The following NGEF variants were observed in gnomAD, a reference collection of about 807,000 sequenced individuals.
NGEF encodes the protein ephexin-1.
A neutral mutation model predicts 80.9 loss-of-function variants in NGEF; 31 were observed. That is an observed-to-expected ratio of 0.38 (90% CI 0.29 to 0.52). The LOEUF (loss-of-function observed/expected upper bound fraction) is 0.52, where lower values mean the gene tolerates loss of function less well. Ranked by LOEUF, NGEF falls within the 20% of genes least tolerant of loss-of-function variation. NGEF has a pLI of 0.84. For missense variants in NGEF, 709 were observed against 926.2 expected (o/e 0.77, Z 3.04); for synonymous variants, 371 against 370.2 (o/e 1.00, Z -0.03).
chr2:232,973,082 T>C (rs555847084), intron 2 of NGEF, among the ~76,000 whole-genome samples: 1 of 152,210 alleles, frequency 6.6e-6, no homozygotes, highest in African/African-American at 2.4e-5. Flanking sequence ...TCAAGACTCA[T>C]CTGAAATATC....
intron 3 of NGEF, among the ~76,000 whole-genome samples, chr2:232,959,353 C>G (rs371878762): frequency 1.3e-5 from 2 of 152,176 alleles, no homozygotes; most frequent in African/African-American, 4.8e-5. Flanking sequence ...CTGTTTTACC[C>G]AGTGCTTGTC....
chr2:232,999,495 A>G (rs1694926218), intron 1 of NGEF, among the ~76,000 whole-genome samples: 1 of 152,082 alleles, frequency 6.6e-6, no homozygotes, highest in Non-Finnish European at 1.5e-5. Flanking sequence ...GGGAGAGGAG[A>G]GGGGTGCCTA....
At chr2:232,911,499 C>A (rs574179668) in intron 5 of NGEF, among the ~76,000 whole-genome samples, 1 of 152,068 alleles carries the variant, frequency 6.6e-6, no homozygotes, top group Admixed American at 6.5e-5. Flanking sequence ...AGTTATCTTG[C>A]CTTTTCTGAT....
intron 5 of NGEF, chr2:232,901,347 C>T: frequency 1.0e-6 from 1 of 985,166 alleles, no homozygotes; most frequent in South Asian, 4.7e-5. Context: ...GCGATTTCTC[C>T]TCCCCGCTCT....
At chr2:232,947,417 C>T (rs974355035) in intron 3 of NGEF, among the ~76,000 whole-genome samples, 1 of 152,128 alleles carries the variant, frequency 6.6e-6, no homozygotes, top group Non-Finnish European at 1.5e-5. Flanking sequence ...ATTCCCCACA[C>T]GTTGAGGGAG....
In NGEF at chr2:232,974,643, C is replaced by T. The variant is rs755210359; in HGVS notation, c.248G>A (p.Arg83Gln). Residue 83 changes from arginine (R) to glutamine (Q), a missense_variant, in exon 2 of 15, where the codon CGG becomes CAG. Around this residue, in one of 2 missense-constraint regions of NGEF, gnomAD observed 283 missense variants for 303.4 expected, o/e 0.93. Coordinates refer to ENST00000264051, the MANE Select transcript of NGEF (RefSeq NM_019850.3). Reference protein sequence around the residue: ...SKAKARDNPERNASCLADSQD... With the variant: ...SKAKARDNPEQNASCLADSQD... ...CTGACCTGCCAGGCAGCTGGCGTTC[C>T]GTTCGGGGTTGTCTCTGGCCTTGGC... 27 of 1,613,836 alleles carry T rather than the reference C, an allele frequency of 1.7e-5. No homozygotes were observed. The highest frequency in any genetic ancestry group is 1.2e-4 in the South Asian group (11 of 91,030).
chr2:232,898,432 C>T (rs1490757130), intron 5 of NGEF, among the ~76,000 whole-genome samples: 2 of 152,210 alleles, frequency 1.3e-5, no homozygotes, highest in Non-Finnish European at 2.9e-5. Context: ...CCCTGCTAAT[C>T]GGTATGGCTG....
At chr2:232,922,911 A>G (rs887560321) in intron 4 of NGEF, among the ~76,000 whole-genome samples, 4 of 152,030 alleles carry the variant, frequency 2.6e-5, no homozygotes, top group African/African-American at 7.2e-5. Context: ...CTCTACTAAA[A>G]ATACAAAAAT....
intron 9 of NGEF, among the ~76,000 whole-genome samples, chr2:232,886,322 G>T (rs1193650699): frequency 6.6e-6 from 1 of 151,712 alleles, no homozygotes; most frequent in Non-Finnish European, 1.5e-5. Flanking sequence ...TATGTGCTGT[G>T]TGTGTGTGCA....
chr2:232,944,927 T>C (rs1233077657), intron 3 of NGEF, among the ~76,000 whole-genome samples: 7 of 151,532 alleles, frequency 4.6e-5, no homozygotes. Flanking sequence ...AATTTTTGTA[T>C]TTTTAGTAGG....
chr2:232,946,844 A>G (rs922196085), intron 3 of NGEF, among the ~76,000 whole-genome samples: 4 of 152,204 alleles, frequency 2.6e-5, no homozygotes, highest in African/African-American at 9.7e-5. Context: ...AAGGAATATG[A>G]CAATCATGGA....
At chr2:232,900,136 TCACACA>T (rs61725832) in intron 5 of NGEF, among the ~76,000 whole-genome samples, 1 of 78,786 alleles carries the variant, frequency 1.3e-5, no homozygotes, top group Non-Finnish European at 2.4e-5. Flanking sequence ...ACTCACATTC[TCACACA>T]CACACGCTCA....
At chr2:232,915,239 T>C (rs1425803710) in intron 5 of NGEF, among the ~76,000 whole-genome samples, 1 of 127,994 alleles carries the variant, frequency 7.8e-6, no homozygotes, top group African/African-American at 3.3e-5. Context: ...TAGTAGCTTA[T>C]ATTTTCCTAG....
At chr2:232,928,173 T>C (rs1161248538) in intron 3 of NGEF, 2 of 911,294 alleles carry the variant, frequency 2.2e-6, no homozygotes. Context: ...GGCGCGCGCC[T>C]GGAGGCTCCC....
Position 232,879,771 on chromosome 2 carries a change from C to T in NGEF, c.1943-92G>A, listed in dbSNP as rs1294472723. The T allele has an allele frequency of 2.5e-5, 31 of 1,254,298 alleles. No homozygotes were observed. In the East Asian group the frequency reaches 4.8e-4, roughly 20 times the overall value. 77.7% of individuals were successfully genotyped at this position (1,254,298 alleles called of 1,614,324 possible). A position where few individuals can be genotyped will look rare whatever the true frequency, so the allele number is the denominator to read the frequency against. ...TCCTGGCCAGGGCCCCCATCTGTGG[C>T]GGGACACTAGGGGTCCAGCTGGCCT... On this transcript the variant is annotated intron_variant, in intron 14 of 14. Coordinates refer to ENST00000264051, the MANE Select transcript of NGEF (RefSeq NM_019850.3).
At chr2:232,971,852 C>T (rs1694192173) in intron 2 of NGEF, among the ~76,000 whole-genome samples, 1 of 152,152 alleles carries the variant, frequency 6.6e-6, no homozygotes, top group Non-Finnish European at 1.5e-5. Context: ...CTCTTGCCCT[C>T]CCCAGCTTCA....
intron 3 of NGEF, among the ~76,000 whole-genome samples, chr2:232,934,594 T>C (rs530110869): frequency 6.6e-6 from 1 of 152,234 alleles, no homozygotes; most frequent in East Asian, 1.9e-4. Context: ...TTAGGCAGGC[T>C]GCTATTAAAA....
Position 232,879,656 on chromosome 2 carries a change from G to A in NGEF, c.1966C>T (p.His656Tyr). 6.2e-7 allele frequency: 1 copy of A among 1,612,880 alleles called. No individual in the cohort carries two copies. Among genetic ancestry groups the A allele is most frequent in the Non-Finnish European group, 8.5e-7 (1 of 1,179,508 alleles). The change falls in exon 15 of 15, where the codon CAC becomes TAC. Residue 656 changes from histidine (H) to tyrosine (Y), a missense_variant. His to Tyr is a moderately conservative substitution (Grantham distance 83, BLOSUM62 2). Coordinates refer to ENST00000264051, the MANE Select transcript of NGEF (RefSeq NM_019850.3). Reference sequence around the variant, plus strand: ...GGGAACCAGCCTCTCTCCTGGTCGTGCAGACGCTCGCCAAAGATCCACCCT... The same window carrying A: ...GGGAACCAGCCTCTCTCCTGGTCGTACAGACGCTCGCCAAAGATCCACCCT... ...DDGWIFGERLHDQERGWFPSS... is the reference protein window; with the variant it reads ...DDGWIFGERLYDQERGWFPSS...
chr2:232,907,747 C>A (rs1692601755), intron 5 of NGEF, among the ~76,000 whole-genome samples: 1 of 152,046 alleles, frequency 6.6e-6, no homozygotes, highest in Admixed American at 6.6e-5. Context: ...TTCTATTTTG[C>A]TTTTTTAAAA....
Sources: allele counts gnomAD v4.1 joint callset (sites outside exome capture counted in the v4.1 genomes callset), GRCh38; gene constraint gnomAD v4.1.1; regional missense constraint gnomAD v4.1.1; transcripts MANE v1.5; gene names NCBI Gene and HGNC (gene_info 2026-07-23, HGNC 2026-07-21).